Variants in SOX5 observed in about 807,000 individuals in gnomAD.
SOX5 encodes the protein SRY-box transcription factor 5.
In SOX5, 9 loss-of-function variants were observed where a neutral mutation model predicts 92.0. That is an observed-to-expected ratio of 0.10 (90% CI 0.06 to 0.17). The LOEUF is 0.17. SOX5 is among the 10% of genes least tolerant of loss of function. SOX5 has a pLI of 1.00. For synonymous variants in SOX5, 344 were observed against 336.3 expected, an observed-to-expected ratio of 1.02 and a Z score of -0.25; for missense variants, 642 against 944.5, an observed-to-expected ratio of 0.68 and a Z score of 4.20.
intron 3 of SOX5, among the ~76,000 whole-genome samples, chr12:23,771,187 CAAAA>C (rs376988688): frequency 4.6e-5 from 5 of 108,610 alleles, no homozygotes; most frequent in Non-Finnish European, 5.4e-5. Flanking sequence ...AAAAATGGAG[CAAAA>C]AAAAAAAAAA....
Position 24,393,809 on chromosome 12 carries a change from T to C in SOX5, c.-250-25170A>G, listed in dbSNP as rs1959195788. 6.6e-6 allele frequency among the ~76,000 whole-genome samples: 1 copy of C among 152,204 alleles called. No individual in the cohort carries two copies. Among genetic ancestry groups the C allele is most frequent in the African/African-American group, 2.4e-5 (1 of 41,442 alleles). On this transcript the variant is annotated intron_variant, in intron 1 of 4. Coordinates refer to the SOX5 transcript ENST00000446891. This position sits in a 1 kb window ranked among gnomAD's most constrained non-coding sequence, Gnocchi z 5.0. ...AGTGGGGAAATTTAAGACTACATAT[T>C]ACATATGCAATACAACACATACCTC...
chr12:24,237,049 A>G (rs981578672), intron 3 of SOX5, among the ~76,000 whole-genome samples: 17 of 152,210 alleles, frequency 1.1e-4, no homozygotes, highest in Non-Finnish European at 1.9e-4. Flanking sequence ...GAAAATGAGA[A>G]GCTGCCAAGA....
Position 24,432,400 on chromosome 12 carries a change from A to G in SOX5, c.-250-63761T>C, listed in dbSNP as rs1553674. On this transcript the variant is annotated intron_variant, in intron 1 of 4. Coordinates refer to the SOX5 transcript ENST00000446891. ...AAGCCCCCAATAAAAGTAACCTAGC[A>G]TTATATTATCCCAAAACAAAGGGAG... Among the ~76,000 whole-genome samples, 705 of 152,338 alleles carry G rather than the reference A, an allele frequency of 4.6e-3. 11 individuals carry two copies. In the East Asian group the frequency reaches 0.051, roughly 11 times the overall value.
At chr12:23,627,837 GA>G (rs577252547) in intron 8 of SOX5, among the ~76,000 whole-genome samples, 51 of 144,376 alleles carry the variant, frequency 3.5e-4, no homozygotes, top group African/African-American at 8.6e-4. Flanking sequence ...TGTTTTAAAG[GA>G]AAAAAAAAAC....
At chr12:24,302,166 A>C (rs559003399) in intron 2 of SOX5, among the ~76,000 whole-genome samples, 219 of 152,336 alleles carry the variant, frequency 1.4e-3, no homozygotes, top group Non-Finnish European at 2.7e-3. Context: ...CAGACATGTC[A>C]TAAAATATCT....
At chr12:23,869,013 A>C (rs2096845121) in intron 2 of SOX5, among the ~76,000 whole-genome samples, 1 of 152,130 alleles carries the variant, frequency 6.6e-6, no homozygotes, top group African/African-American at 2.4e-5. Context: ...CTTTCAGGTC[A>C]GGCCCATTCT....
chr12:24,206,017 C>T (rs1025643310), intron 4 of SOX5, among the ~76,000 whole-genome samples: 1 of 152,162 alleles, frequency 6.6e-6, no homozygotes, highest in Non-Finnish European at 1.5e-5. Flanking sequence ...TCCAAGAATA[C>T]AACATTGTTC....
chr12:24,213,441 A>G (rs1428629973), intron 3 of SOX5: 1 of 132,250 alleles, frequency 7.6e-6, no homozygotes, highest in Admixed American at 7.7e-5. Context: ...AAAAAAAAAG[A>G]AAAAGAAAAA....
chr12:24,261,276 A>G (rs1185496575), intron 3 of SOX5, among the ~76,000 whole-genome samples: 1 of 152,190 alleles, frequency 6.6e-6, no homozygotes, highest in Non-Finnish European at 1.5e-5. Context: ...AATTTTTAGC[A>G]GAAAAGGTAG....
At chr12:24,502,346 G>C (rs919696510) in intron 1 of SOX5, among the ~76,000 whole-genome samples, 1 of 152,058 alleles carries the variant, frequency 6.6e-6, no homozygotes, top group Non-Finnish European at 1.5e-5. Flanking sequence ...AAAAGGATAT[G>C]GGCGTCAAAC....
At chr12:23,870,183 G>T (rs1164951141) in intron 2 of SOX5, among the ~76,000 whole-genome samples, 1 of 151,884 alleles carries the variant, frequency 6.6e-6, no homozygotes, top group Non-Finnish European at 1.5e-5. Context: ...AAATATAGGT[G>T]ATCAGAAAAA....
intron 11 of SOX5, among the ~76,000 whole-genome samples, chr12:23,562,594 T>C (rs1486428161): frequency 6.6e-6 from 1 of 152,182 alleles, no homozygotes; most frequent in Non-Finnish European, 1.5e-5. Flanking sequence ...CAACAGTACA[T>C]AATTCTGAGG....
intron 4 of SOX5, among the ~76,000 whole-genome samples, chr12:24,211,137 T>C (rs957288840): frequency 6.6e-6 from 1 of 152,180 alleles, no homozygotes; most frequent in African/African-American, 2.4e-5. Context: ...ACACTCTTCA[T>C]ACTGACTCTT....
intron 2 of SOX5, among the ~76,000 whole-genome samples, chr12:24,312,011 ATAAAT>A (rs1949226376): frequency 6.6e-6 from 1 of 151,174 alleles, no homozygotes. Flanking sequence ...AAAATTCTAC[ATAAAT>A]TAAACCCAAA....
chr12:24,327,385 C>CTTTTTTTTTTTTTTTTTTT (rs71063311), intron 2 of SOX5, among the ~76,000 whole-genome samples: 1 of 56,690 alleles, frequency 1.8e-5, no homozygotes, highest in Non-Finnish European at 3.2e-5. Context: ...GCAATGGAGA[C>CTTTTTTTTTTTTTTTTTTT]TTTTTTTTTT....
chr12:23,895,761 A>T (rs1197252851), intron 2 of SOX5, 32 bp downstream of exon 2: 1 of 1,473,908 alleles, frequency 6.8e-7, no homozygotes, highest in Non-Finnish European at 9.5e-7. Flanking sequence ...TCAAAAAGTG[A>T]GTGTAGGCAC....
intron 4 of SOX5, among the ~76,000 whole-genome samples, chr12:24,050,731 A>G (rs1304400273): frequency 1.3e-5 from 2 of 152,166 alleles, no homozygotes; most frequent in Non-Finnish European, 2.9e-5. Flanking sequence ...AAGCTCATCT[A>G]TATGGTGACA....
chr12:23,795,623 T>C (rs2095549164), intron 3 of SOX5, among the ~76,000 whole-genome samples: 1 of 152,046 alleles, frequency 6.6e-6, no homozygotes, highest in African/African-American at 2.4e-5. Context: ...GCCTATTAAC[T>C]GTTCAAATAA....
chr12:23,569,509 T>C (rs1427382740), intron 10 of SOX5, among the ~76,000 whole-genome samples: 1 of 152,218 alleles, frequency 6.6e-6, no homozygotes, highest in African/African-American at 2.4e-5. Context: ...TGGAAAATCA[T>C]CATTCTGAGA....
Sources: gnomAD v4.1 joint callset for allele counts (sites outside exome capture counted in the v4.1 genomes callset) on GRCh38, gnomAD v4.1.1 for gene constraint, Gnocchi (gnomAD v3.1) non-coding constraint, MANE v1.5 for transcripts, NCBI Gene and HGNC (gene_info 2026-07-23, HGNC 2026-07-21) for gene names.